CLSTN2: variants seen among roughly 807,000 people sequenced by gnomAD.
CLSTN2 encodes the protein calsyntenin 2.
A neutral mutation model predicts 101.2 loss-of-function variants in CLSTN2; 48 were observed. The observed-to-expected ratio is 0.47, with a 90% CI of 0.38 to 0.60. The LOEUF (loss-of-function observed/expected upper bound fraction) is 0.60. Ranked by LOEUF, CLSTN2 falls within the 20% of genes least tolerant of loss-of-function variation. CLSTN2 has a pLI of 0.00. For missense variants in CLSTN2, 1,160 were observed against 1,238.2 expected (o/e 0.94, Z 0.95); for synonymous variants, 481 against 463.6 (o/e 1.04, Z -0.48).
chr3:140,006,729 A>G (rs2006966103), intron 1 of CLSTN2, among the ~76,000 whole-genome samples: 1 of 152,210 alleles, frequency 6.6e-6, no homozygotes, highest in African/African-American at 2.4e-5. Context: ...AAATTAAAAC[A>G]TTCCTCACTA....
intron 1 of CLSTN2, among the ~76,000 whole-genome samples, chr3:139,987,411 G>A (rs1192294717): frequency 3.3e-5 from 5 of 152,160 alleles, no homozygotes; most frequent in African/African-American, 9.7e-5. Context: ...AAAACTAGAT[G>A]GCAAACAGAG....
At chr3:139,993,943 G>A (rs1362273441) in intron 1 of CLSTN2, among the ~76,000 whole-genome samples, 2 of 152,180 alleles carry the variant, frequency 1.3e-5, no homozygotes, top group African/African-American at 4.8e-5. Flanking sequence ...CCAGTCCTTG[G>A]GAGCTATTTT....
intron 1 of CLSTN2, among the ~76,000 whole-genome samples, chr3:140,016,062 A>G (rs2007194049): frequency 6.6e-6 from 1 of 152,204 alleles, no homozygotes; most frequent in South Asian, 2.1e-4. Context: ...TTATAGGAGG[A>G]CTTAGACTGT....
intron 1 of CLSTN2, among the ~76,000 whole-genome samples, chr3:140,141,018 C>T (rs1183808152): frequency 6.6e-6 from 1 of 152,200 alleles, no homozygotes; most frequent in African/African-American, 2.4e-5. Flanking sequence ...AGGCTCCTGA[C>T]ATAAGACACC....
At chr3:140,378,856 T>C (rs2087948379) in intron 2 of CLSTN2, among the ~76,000 whole-genome samples, 1 of 152,236 alleles carries the variant, frequency 6.6e-6, no homozygotes, top group Non-Finnish European at 1.5e-5. Flanking sequence ...TGCTGATATG[T>C]GTGAAACACC....
rs200934887 is a variant in CLSTN2, at chr3:140,532,336, G to A, written c.1357G>A (p.Glu453Lys). 6.3e-7 allele frequency: 1 copy of A among 1,594,726 alleles called. No individual in the cohort carries two copies. The highest frequency in any genetic ancestry group is 8.5e-7 in the Non-Finnish European group (1 of 1,169,852). The change falls in exon 9 of 17, where the codon GAG becomes AAG. Residue 453 changes from glutamate to lysine, a missense_variant. Transcript: ENST00000458420. ...HWKLDQICDK[E>K]WHYYVINVEF... The stretch of plus-strand genomic sequence containing the variant: ...TTCCTTTTCTTAGATTTGTGACAAA[G>A]AGTGGCACTACTATGTCATCAATGT...
intron 4 of CLSTN2, among the ~76,000 whole-genome samples, chr3:140,407,845 C>G (rs1285553242): frequency 1.3e-5 from 2 of 152,168 alleles, no homozygotes; most frequent in Non-Finnish European, 2.9e-5. Flanking sequence ...TAGGACTCAA[C>G]CCAGGTCTCC....
intron 2 of CLSTN2, among the ~76,000 whole-genome samples, chr3:140,322,540 A>T (rs1168135506): frequency 6.6e-6 from 1 of 152,236 alleles, no homozygotes; most frequent in Non-Finnish European, 1.5e-5. Flanking sequence ...GTGGTCAGGG[A>T]AATTTCTACA....
Position 140,535,329 on chromosome 3 carries a change from G to T in CLSTN2, c.1507+2843G>T, listed in dbSNP as rs763645765. Among the ~76,000 whole-genome samples, 95 of 152,332 alleles carry T rather than the reference G, an allele frequency of 6.2e-4. 1 individual carries two copies. The highest frequency in any genetic ancestry group is 3.4e-3 in the Middle Eastern group (1 of 294). On this transcript the variant is annotated intron_variant, in intron 9 of 16. Coordinates refer to ENST00000458420, the MANE Select transcript of CLSTN2 (RefSeq NM_022131.3). Reference sequence around the variant, plus strand: ...TGGCCCTTTATTCCATTCCCCGGAAGATATTTCCTTCCTTAGTATCCTTCT... The same window carrying T: ...TGGCCCTTTATTCCATTCCCCGGAATATATTTCCTTCCTTAGTATCCTTCT...
intron 1 of CLSTN2, among the ~76,000 whole-genome samples, chr3:140,096,449 T>C (rs1031538294): frequency 2.0e-5 from 3 of 152,232 alleles, no homozygotes; most frequent in African/African-American, 7.2e-5. Flanking sequence ...GATGAAGCTC[T>C]GTTGGTAGAT....
intron 8 of CLSTN2, among the ~76,000 whole-genome samples, chr3:140,468,493 A>G (rs1933761615): frequency 6.6e-6 from 1 of 152,202 alleles, no homozygotes. Context: ...GGTGAATTTA[A>G]GGAGGGGCTG....
chr3:140,231,056 G>C (rs2086367357), intron 2 of CLSTN2, among the ~76,000 whole-genome samples: 1 of 152,158 alleles, frequency 6.6e-6, no homozygotes, highest in Non-Finnish European at 1.5e-5. Flanking sequence ...TCTTCACAAT[G>C]AAACATCTTT....
At chr3:140,379,561 G>A (rs1376690225) in intron 2 of CLSTN2, among the ~76,000 whole-genome samples, 1 of 152,186 alleles carries the variant, frequency 6.6e-6, no homozygotes, top group Non-Finnish European at 1.5e-5. Context: ...TGCTGAAGAT[G>A]CAATGCCTTT....
chr3:140,350,777 G>A (rs1403310547), intron 2 of CLSTN2, among the ~76,000 whole-genome samples: 1 of 152,214 alleles, frequency 6.6e-6, no homozygotes, highest in Admixed American at 6.5e-5. Flanking sequence ...GGTTACTGAA[G>A]CCTGGGGCCC....
chr3:140,129,308 G>A (rs999367994), intron 1 of CLSTN2, among the ~76,000 whole-genome samples: 5 of 152,098 alleles, frequency 3.3e-5, no homozygotes, highest in Non-Finnish European at 5.9e-5. Context: ...ACACATTGTA[G>A]GTACTCCTTG....
In CLSTN2 at chr3:140,276,258, C is replaced by G. The variant is rs188810669; in HGVS notation, c.232+100185C>G. Among the ~76,000 whole-genome samples, 15 of 152,306 alleles carry G rather than the reference C, an allele frequency of 9.8e-5. No individual in the cohort carries two copies. In the East Asian group the frequency reaches 1.7e-3, roughly 18 times the overall value. On this transcript the variant is annotated intron_variant, in intron 2 of 16. Coordinates refer to ENST00000458420, the MANE Select transcript of CLSTN2 (RefSeq NM_022131.3). Reference sequence around the variant, plus strand: ...CAACACCTTGCCCATTCACAGGTAACTGAGAATGCATATGTATCCCCTTGG... The same window carrying G: ...CAACACCTTGCCCATTCACAGGTAAGTGAGAATGCATATGTATCCCCTTGG...
intron 1 of CLSTN2, among the ~76,000 whole-genome samples, chr3:140,174,136 T>C (rs144757936): frequency 0.02 from 3,032 of 152,280 alleles, 106 homozygotes; most frequent in African/African-American, 0.07. Context: ...ACCCAAGTCA[T>C]CTCTTGAATG....
intron 7 of CLSTN2, among the ~76,000 whole-genome samples, chr3:140,462,497 T>TAAATTGTC (rs1458362250): frequency 1.3e-5 from 2 of 152,346 alleles, no homozygotes; most frequent in Admixed American, 1.3e-4. Context: ...GCTTTTGCTG[T>TAAATTGTC]AAATTGTCAA....
intron 2 of CLSTN2, among the ~76,000 whole-genome samples, chr3:140,361,931 T>C (rs1207326113): frequency 1.3e-5 from 2 of 152,152 alleles, no homozygotes; most frequent in Non-Finnish European, 2.9e-5. Context: ...TAAACGTAAT[T>C]CCTACCAAAA....
Sources: gnomAD v4.1 joint callset for allele counts (sites outside exome capture counted in the v4.1 genomes callset) on GRCh38, gnomAD v4.1.1 for gene constraint, MANE v1.5 for transcripts, NCBI Gene and HGNC (gene_info 2026-07-23, HGNC 2026-07-21) for gene names.